Variants in GRHL1 observed in about 807,000 individuals in gnomAD.
GRHL1 encodes grainyhead like transcription factor 1.
Under a neutral mutation model 75.7 loss-of-function variants are expected in GRHL1, and 38 were observed. The observed-to-expected ratio is 0.50, with a 90% confidence interval of 0.39 to 0.66. The LOEUF is 0.66. Among genes scored for constraint, GRHL1 ranks in the 30% least tolerant of loss-of-function variants. The pLI is 0.00. For synonymous variants in GRHL1, 266 were observed against 279.4 expected, an observed-to-expected ratio of 0.95 and a Z score of 0.48; for missense variants, 589 against 767.5, an observed-to-expected ratio of 0.77 and a Z score of 2.75.
chr2:9,954,170 A>G (rs540647394), intron 1 of GRHL1, among the ~76,000 whole-genome samples: 27 of 152,340 alleles, frequency 1.8e-4, no homozygotes, highest in East Asian at 1.7e-3. Flanking sequence ...AAGATTTTTT[A>G]AAAGCCAGAT....
chr2:9,976,168 G>C lies in GRHL1; in HGVS notation c.1111-9956G>C, dbSNP rs150889004. Reference sequence around the variant, plus strand: ...CAAGATGCTCTTGGAATGGAAAGATGAGTAATCCATGACCCAAAACTCAGA... The same window carrying C: ...CAAGATGCTCTTGGAATGGAAAGATCAGTAATCCATGACCCAAAACTCAGA... On this transcript the variant is annotated intron_variant, in intron 8 of 15. Coordinates refer to ENST00000324907, the MANE Select transcript of GRHL1 (RefSeq NM_198182.3). Among the ~76,000 whole-genome samples the C allele has an allele frequency of 1.6e-3, 246 of 152,268 alleles. 1 individual carries two copies. Among genetic ancestry groups the C allele is most frequent in the Non-Finnish European group, 2.9e-3 (194 of 68,014 alleles).
intron 8 of GRHL1, among the ~76,000 whole-genome samples, chr2:9,976,695 A>C (rs192246130): frequency 2.6e-5 from 4 of 152,330 alleles, no homozygotes; most frequent in Admixed American, 6.5e-5. Flanking sequence ...GATAAAGGCC[A>C]CATGAGGTCT....
At chr2:9,985,358 A>G (rs756220023) in intron 8 of GRHL1, among the ~76,000 whole-genome samples, 1 of 152,206 alleles carries the variant, frequency 6.6e-6, no homozygotes. Context: ...AGTGATCGTT[A>G]AGTTCTCAGC....
intron 8 of GRHL1, among the ~76,000 whole-genome samples, chr2:9,982,462 G>A (rs1412453141): frequency 6.6e-6 from 1 of 152,252 alleles, no homozygotes; most frequent in African/African-American, 2.4e-5. Context: ...TCTCTGGGGT[G>A]TAGCCAGGAC....
At chr2:9,974,227 T>A (rs1572358135) in intron 8 of GRHL1, among the ~76,000 whole-genome samples, 1 of 152,206 alleles carries the variant, frequency 6.6e-6, no homozygotes, top group Non-Finnish European at 1.5e-5. Flanking sequence ...TGAGGCTCAA[T>A]CACAGCTTGA....
At chr2:9,965,455 ATTTTT>A (rs111854908) in intron 8 of GRHL1, 74 bp downstream of exon 8, 1 of 525,984 alleles carries the variant, frequency 1.9e-6, no homozygotes, top group African/African-American at 2.0e-5. Context: ...TTGACAACTG[ATTTTT>A]TTTTTTTTCA....
intron 8 of GRHL1, among the ~76,000 whole-genome samples, chr2:9,970,078 C>T (rs182266066): frequency 1.4e-4 from 21 of 152,182 alleles, no homozygotes; most frequent in African/African-American, 4.1e-4. Flanking sequence ...CTCCTGACCT[C>T]GTGATCCACC....
In GRHL1 at chr2:9,976,938, G is replaced by A. The variant is rs573968297; in HGVS notation, c.1111-9186G>A. ...TAAGGAATGTTGTCTTTTTCACATA[G>A]ACTGTGGTAAGCTACTGCAAATGTT... On this transcript the variant is annotated intron_variant, in intron 8 of 15. Coordinates refer to ENST00000324907, the MANE Select transcript of GRHL1 (RefSeq NM_198182.3). Among the ~76,000 whole-genome samples the A allele has an allele frequency of 2.0e-5, 3 of 152,302 alleles. No individual in the cohort carries two copies. In the South Asian group the frequency reaches 6.2e-4, roughly 32 times the overall value.
At chr2:9,999,088 G>C (rs1238188220) in intron 15 of GRHL1, 59 bp downstream of exon 15, 7 of 796,860 alleles carry the variant, frequency 8.8e-6, no homozygotes, top group Non-Finnish European at 1.4e-5. Context: ...CGCAGTGCTA[G>C]TGTGACGCAC....
chr2:9,961,463 G>C (rs758193786), intron 4 of GRHL1, 27 bp downstream of exon 4: 4 of 1,573,690 alleles, frequency 2.5e-6, no homozygotes, highest in Non-Finnish European at 3.5e-6. Flanking sequence ...ATCTTCCTAA[G>C]ACGCCTGCGT....
chr2:9,951,733 C>T lies in GRHL1; in HGVS notation c.-101C>T. 3 of 1,152,452 alleles carry T rather than the reference C, an allele frequency of 2.6e-6. No homozygotes were observed. Among genetic ancestry groups the T allele is most frequent in the Non-Finnish European group, 2.4e-6 (2 of 827,682 alleles). The allele number at this position is 1,152,452 out of a possible 1,614,324, so 71.4% of individuals were successfully genotyped here. A position where few individuals can be genotyped will look rare whatever the true frequency, so the allele number is the denominator to read the frequency against. On this transcript the variant is annotated 5_prime_UTR_variant, in exon 1 of 16. Coordinates refer to ENST00000324907, the MANE Select transcript of GRHL1 (RefSeq NM_198182.3). This position sits in a 1 kb window ranked among gnomAD's most constrained non-coding sequence, Gnocchi z 4.2. ...AACCCAACCCGTCGGGGCCGCCGCT[C>T]CGGACCCGCAGCCGCCGCCGCCGCC... is the stretch of plus-strand genomic sequence containing the variant.
Position 9,998,889 on chromosome 2 carries a change from C to CATAT in GRHL1, c.1678-67_1678-64dup, listed in dbSNP as rs33958552. The CATAT allele has an allele frequency of 9.9e-5, 14 of 141,796 alleles. 1 individual carries two copies. The highest frequency in any genetic ancestry group is 3.2e-4 in the African/African-American group (2 of 6,196). The allele number at this position is 141,796 out of a possible 1,614,324, so 8.8% of individuals were successfully genotyped here. On this transcript the variant is annotated intron_variant, in intron 14 of 15. Transcript: ENST00000324907. ...GTATATATATGTACACATATATATACATATATATATATTTGTTGTTTGGTT... is the reference window on the plus strand; with the variant it reads ...GTATATATATGTACACATATATATACATATATATATATATATTTGTTGTTTGGTT...
chr2:10,000,535 G>A (rs1669220767), intron 15 of GRHL1, 58 bp from the exon 16 acceptor site: 3 of 940,906 alleles, frequency 3.2e-6, no homozygotes, highest in Non-Finnish European at 5.3e-6. Flanking sequence ...GTCAATCTAG[G>A]TCTGACTCCA....
Position 9,992,124 on chromosome 2 carries a change from C to T in GRHL1, c.1439C>T (p.Ala480Val). 1 of 1,613,146 alleles carries T rather than the reference C, an allele frequency of 6.2e-7. No homozygotes were observed. The highest frequency in any genetic ancestry group is 8.5e-7 in the Non-Finnish European group (1 of 1,179,582). Residue 480 changes from alanine to valine, a missense_variant, in exon 11 of 16, where the codon GCC becomes GTC. This residue lies in a region of GRHL1 where 192 missense variants were observed against 226.6 expected (regional missense o/e 0.85). Coordinates refer to ENST00000324907, the MANE Select transcript of GRHL1 (RefSeq NM_198182.3). This position sits in a 1 kb window ranked among gnomAD's most constrained non-coding sequence, Gnocchi z 4.6. ...CTCTTCATTCCTGACGTGCACTTTG[C>T]CAACTTGCAGCGGGGCACTCATGTA... is the stretch of plus-strand genomic sequence containing the variant. ...PVLFIPDVHF[A>V]NLQRGTHVLP...
At chr2:9,980,044 G>A (rs1423404609) in intron 8 of GRHL1, among the ~76,000 whole-genome samples, 2 of 152,180 alleles carry the variant, frequency 1.3e-5, no homozygotes, top group Admixed American at 6.5e-5. Context: ...ATAAAAGCTC[G>A]AAAGGAGTGG....
chr2:9,955,887 G>A (rs1218639537), intron 2 of GRHL1, among the ~76,000 whole-genome samples: 1 of 152,212 alleles, frequency 6.6e-6, no homozygotes, highest in African/African-American at 2.4e-5. Context: ...ACACACATTT[G>A]GGGGTGGCTA....
At chr2:9,980,021 G>T (rs1427865626) in intron 8 of GRHL1, among the ~76,000 whole-genome samples, 3 of 152,164 alleles carry the variant, frequency 2.0e-5, no homozygotes, top group Admixed American at 2.0e-4. Context: ...TTGTGTCTTG[G>T]TTTGTGGTGT....
chr2:9,989,665 C>T (rs1668560543), intron 9 of GRHL1, among the ~76,000 whole-genome samples: 1 of 152,190 alleles, frequency 6.6e-6, no homozygotes, highest in African/African-American at 2.4e-5. Context: ...TCTCCTGCCT[C>T]AGCCTCCCGA....
intron 12 of GRHL1, among the ~76,000 whole-genome samples, chr2:9,994,286 A>G (rs1668761291): frequency 6.6e-6 from 1 of 151,180 alleles, no homozygotes; most frequent in African/African-American, 2.4e-5. Flanking sequence ...GTGGGACTAC[A>G]GGCACATGCC....
Sources: gnomAD v4.1 joint callset for allele counts (sites outside exome capture counted in the v4.1 genomes callset) on GRCh38, gnomAD v4.1.1 for gene constraint, gnomAD v4.1.1 regional missense constraint, Gnocchi (gnomAD v3.1) non-coding constraint, MANE v1.5 for transcripts, NCBI Gene and HGNC (gene_info 2026-07-23, HGNC 2026-07-21) for gene names.